KCNT2: variants seen among roughly 807,000 people sequenced by gnomAD.
The protein encoded by KCNT2 is potassium sodium-activated channel subfamily T member 2.
In KCNT2, 67 loss-of-function variants were observed where a neutral mutation model predicts 153.8. The ratio of observed to expected loss-of-function variants is 0.44; its 90% CI spans 0.36 to 0.53. The LOEUF (loss-of-function observed/expected upper bound fraction) is 0.53, where lower values mean the gene tolerates loss of function less well. Among genes scored for constraint, KCNT2 ranks in the 20% least tolerant of loss-of-function variants. The pLI is 0.00. For missense variants in KCNT2, 975 were observed against 1,354.8 expected (o/e 0.72, Z 4.40); for synonymous variants, 500 against 458.8 (o/e 1.09, Z -1.15).
chr1:196,394,686 A>G (rs6428339), intron 13 of KCNT2, among the ~76,000 whole-genome samples: 146,939 of 151,440 alleles, frequency 0.97, 71,426 homozygotes, highest in East Asian at 1. Flanking sequence ...TAAGAAAAAG[A>G]TGAATAGAAA....
intron 15 of KCNT2, among the ~76,000 whole-genome samples, chr1:196,340,868 G>A (rs187117044): frequency 6.6e-6 from 1 of 151,382 alleles, no homozygotes. Context: ...ATTTTACTTT[G>A]GTCAAAAAAC....
intron 1 of KCNT2, among the ~76,000 whole-genome samples, chr1:196,546,438 C>T (rs1657115366): frequency 6.6e-6 from 1 of 151,994 alleles, no homozygotes; most frequent in Non-Finnish European, 1.5e-5. Context: ...TGATAGCAGC[C>T]AGCAATTTGA....
At chr1:196,481,121 A>G (rs920049542) in intron 4 of KCNT2, among the ~76,000 whole-genome samples, 2 of 152,174 alleles carry the variant, frequency 1.3e-5, no homozygotes, top group African/African-American at 4.8e-5. Context: ...AATGTAAAAA[A>G]CAACTTGACT....
At chr1:196,249,698 A>G (rs1655779331) in intron 26 of KCNT2, among the ~76,000 whole-genome samples, 1 of 151,944 alleles carries the variant, frequency 6.6e-6, no homozygotes, top group South Asian at 2.1e-4. Context: ...ACTTGAACCC[A>G]GGAGGCGAAG....
chr1:196,241,262 T>A (rs550584872), intron 26 of KCNT2, among the ~76,000 whole-genome samples: 89 of 152,232 alleles, frequency 5.8e-4, no homozygotes, highest in Admixed American at 2.6e-3. Context: ...TCAGTCATAC[T>A]GTACTTACTT....
At chr1:196,522,700 C>G (rs1463591711) in intron 1 of KCNT2, among the ~76,000 whole-genome samples, 1 of 152,222 alleles carries the variant, frequency 6.6e-6, no homozygotes, top group Non-Finnish European at 1.5e-5. Context: ...TGTGAATGCA[C>G]CAGTCAGCAC....
chr1:196,313,114 G>T (rs1399442237), intron 21 of KCNT2, among the ~76,000 whole-genome samples: 1 of 151,648 alleles, frequency 6.6e-6, no homozygotes, highest in Admixed American at 6.6e-5. Flanking sequence ...TATCATGACT[G>T]ATCATAGATT....
chr1:196,593,120 T>C (rs1663588057), intron 1 of KCNT2, among the ~76,000 whole-genome samples: 1 of 150,788 alleles, frequency 6.6e-6, no homozygotes, highest in African/African-American at 2.4e-5. Flanking sequence ...CTATCATTCT[T>C]ATGCCTTTGC....
In KCNT2 at chr1:196,484,319, CT is replaced by C. The variant is rs201616802; in HGVS notation, c.276-1941del. On this transcript the variant is annotated intron_variant, in intron 3 of 27. Coordinates refer to ENST00000294725, the MANE Select transcript of KCNT2 (RefSeq NM_198503.5). Reference sequence around the variant, plus strand: ...ATATGTTCATTGGCTGTGTAAATGTCTTTTTTTTTGAGAATTGTATGTTCAT... The same window carrying C: ...ATATGTTCATTGGCTGTGTAAATGTCTTTTTTTTGAGAATTGTATGTTCAT... Among the ~76,000 whole-genome samples the C allele has an allele frequency of 5.3e-5, 8 of 149,824 alleles. No homozygotes were observed. The East Asian group carries it at 5.9e-4, about 11-fold the overall frequency.
intron 14 of KCNT2, among the ~76,000 whole-genome samples, chr1:196,369,511 T>C (rs1046917258): frequency 1.1e-4 from 17 of 150,232 alleles, no homozygotes; most frequent in Admixed American, 1.1e-3. Context: ...GAATGTGATG[T>C]TCCCCTTCCT....
chr1:196,229,832 G>T (rs967065856), intron 27 of KCNT2, among the ~76,000 whole-genome samples: 6 of 152,048 alleles, frequency 3.9e-5, no homozygotes, highest in African/African-American at 1.4e-4. Context: ...CCAGAGCAAT[G>T]CTCTACCTCT....
intron 1 of KCNT2, among the ~76,000 whole-genome samples, chr1:196,525,547 A>G (rs1191694397): frequency 6.6e-6 from 1 of 152,216 alleles, no homozygotes; most frequent in Non-Finnish European, 1.5e-5. Flanking sequence ...GTTCATCCAG[A>G]TAATCACCAA....
chr1:196,278,308 T>C (rs1454446780), intron 25 of KCNT2, among the ~76,000 whole-genome samples: 3 of 152,214 alleles, frequency 2.0e-5, no homozygotes, highest in African/African-American at 7.2e-5. Context: ...TTGATGTTTC[T>C]ACTGTTTATC....
At chr1:196,482,208 G>A in intron 4 of KCNT2, 123 bp downstream of exon 4, 1 of 651,872 alleles carries the variant, frequency 1.5e-6, no homozygotes, top group Middle Eastern at 2.6e-4. Flanking sequence ...TCCAAGATGT[G>A]CATGAAGATT....
chr1:196,320,663 C>T (rs1400395908), intron 19 of KCNT2, among the ~76,000 whole-genome samples: 1 of 151,016 alleles, frequency 6.6e-6, no homozygotes, highest in Non-Finnish European at 1.5e-5. Context: ...ATCCTTCTAG[C>T]TCTTTACACT....
chr1:196,357,060 A>G (rs1156912488), intron 14 of KCNT2, among the ~76,000 whole-genome samples: 1 of 151,800 alleles, frequency 6.6e-6, no homozygotes, highest in East Asian at 1.9e-4. Flanking sequence ...GATATTAGCT[A>G]CCCTCTTCAT....
At chr1:196,584,276 C>A (rs1662407934) in intron 1 of KCNT2, among the ~76,000 whole-genome samples, 1 of 151,864 alleles carries the variant, frequency 6.6e-6, no homozygotes, top group Non-Finnish European at 1.5e-5. Context: ...AAGAAAAAAG[C>A]AAAGGCTGTA....
chr1:196,566,050 A>G (rs1660069427), intron 1 of KCNT2, among the ~76,000 whole-genome samples: 1 of 152,014 alleles, frequency 6.6e-6, no homozygotes, highest in South Asian at 2.1e-4. Context: ...TAATGTATAC[A>G]TATTGTAAAC....
intron 13 of KCNT2, among the ~76,000 whole-genome samples, chr1:196,386,723 C>T (rs1285932539): frequency 6.6e-6 from 1 of 151,886 alleles, no homozygotes; most frequent in Non-Finnish European, 1.5e-5. Flanking sequence ...TTTCTCATTC[C>T]TTATTTGAAG....
Sources: gnomAD v4.1 joint callset for allele counts (sites outside exome capture counted in the v4.1 genomes callset) on GRCh38, gnomAD v4.1.1 for gene constraint, MANE v1.5 for transcripts, NCBI Gene and HGNC (gene_info 2026-07-23, HGNC 2026-07-21) for gene names.